Variants in PRKCB observed in about 807,000 individuals in gnomAD.
PRKCB encodes protein kinase C beta type.
A neutral mutation model predicts 81.5 loss-of-function variants in PRKCB; 13 were observed. The observed-to-expected ratio is 0.16, with a 90% CI of 0.10 to 0.25. PRKCB has a LOEUF of 0.25. PRKCB is among the 10% of genes least tolerant of loss of function. The probability of loss-of-function intolerance (pLI) is 1.00; values close to 1 mark genes in which losing one functional copy is unlikely to be tolerated. For synonymous variants in PRKCB, 335 were observed against 321.4 expected (o/e 1.04, Z -0.45); for missense variants, 509 against 875.7 (o/e 0.58, Z 5.29).
At chr16:24,181,031 G>T in intron 13 of PRKCB, 103 bp downstream of exon 13, 1 of 1,425,482 alleles carries the variant, frequency 7.0e-7, no homozygotes, top group Non-Finnish European at 9.5e-7. Context: ...CCTTGCAAGG[G>T]AACCTCGGAC....
At chr16:23,879,831 G>A (rs1963078249) in intron 2 of PRKCB, among the ~76,000 whole-genome samples, 1 of 152,168 alleles carries the variant, frequency 6.6e-6, no homozygotes, top group African/African-American at 2.4e-5. Flanking sequence ...CAGCATAGTA[G>A]TTCAGAGCAT....
intron 2 of PRKCB, among the ~76,000 whole-genome samples, chr16:23,844,541 C>G (rs1489138470): frequency 6.6e-6 from 1 of 152,192 alleles, no homozygotes; most frequent in African/African-American, 2.4e-5. Flanking sequence ...GAGTCTTGCT[C>G]TGTCGCCCAG....
chr16:24,055,867 C>T (rs36066663), intron 5 of PRKCB, among the ~76,000 whole-genome samples: 11 of 152,290 alleles, frequency 7.2e-5, no homozygotes, highest in Non-Finnish European at 1.6e-4. Context: ...ATATAAATTT[C>T]CTGCACTACA....
At chr16:23,859,194 A>G (rs1191757441) in intron 2 of PRKCB, among the ~76,000 whole-genome samples, 3 of 152,168 alleles carry the variant, frequency 2.0e-5, no homozygotes, top group Non-Finnish European at 4.4e-5. Flanking sequence ...TAAGTAGTTG[A>G]AGAGGGCAAC....
intron 4 of PRKCB, among the ~76,000 whole-genome samples, chr16:24,034,708 C>A (rs1415650617): frequency 1.3e-5 from 2 of 152,188 alleles, no homozygotes; most frequent in African/African-American, 4.8e-5. Context: ...CACAGCAGTG[C>A]CCCATCCTGC....
chr16:24,115,093 C>T (rs1966721382), intron 8 of PRKCB, among the ~76,000 whole-genome samples: 1 of 152,172 alleles, frequency 6.6e-6, no homozygotes, highest in Admixed American at 6.5e-5. Context: ...TGAAAGAAGA[C>T]CAGCCTGGGT....
At position 23,875,760 on chromosome 16, in the gene PRKCB, A is replaced by ATATCACACATATATGTG. The variant is rs1567298765; in HGVS notation, c.205+38355_205+38356insATCACACATATATGTGT. 2.0e-3 allele frequency among the ~76,000 whole-genome samples: 260 copies of ATATCACACATATATGTG among 128,622 alleles called. 7 individuals are homozygous for ATATCACACATATATGTG. The highest frequency in any genetic ancestry group is 4.5e-3 in the Middle Eastern group (1 of 224). 84.4% of individuals were successfully genotyped at this position (128,622 alleles called of 152,430 possible). A position where few individuals can be genotyped will look rare whatever the true frequency, so the allele number is the denominator to read the frequency against. ...ATGTATGTATATCACACATATATGT[A>ATATCACACATATATGTG]TGTATATCACACATATATGTGTGTA... On this transcript the variant is annotated intron_variant, in intron 2 of 16. Transcript: ENST00000643927.
intron 2 of PRKCB, among the ~76,000 whole-genome samples, chr16:23,840,636 G>A (rs961874871): frequency 2.6e-5 from 4 of 152,098 alleles, no homozygotes; most frequent in Non-Finnish European, 5.9e-5. Context: ...AGAGGATGTT[G>A]TCTCTGCCAC....
chr16:24,160,378 ATGTCCT>A (rs1011089891), intron 10 of PRKCB, among the ~76,000 whole-genome samples: 56 of 152,202 alleles, frequency 3.7e-4, no homozygotes, highest in African/African-American at 1.3e-3. Flanking sequence ...CTTTCTGGGG[ATGTCCT>A]TGAAAATGGT....
intron 7 of PRKCB, among the ~76,000 whole-genome samples, chr16:24,104,893 G>T (rs992456998): frequency 6.6e-6 from 1 of 152,184 alleles, no homozygotes; most frequent in Non-Finnish European, 1.5e-5. Flanking sequence ...CTACTCTGAA[G>T]AACACGGGGA....
At chr16:23,911,484 T>C (rs1963652468) in intron 2 of PRKCB, among the ~76,000 whole-genome samples, 1 of 152,140 alleles carries the variant, frequency 6.6e-6, no homozygotes, top group Non-Finnish European at 1.5e-5. Flanking sequence ...AGGAGTGGAA[T>C]TGCTGGGCCC....
chr16:24,030,951 C>T (rs1965543704), intron 3 of PRKCB, among the ~76,000 whole-genome samples: 1 of 151,028 alleles, frequency 6.6e-6, no homozygotes, highest in African/African-American at 2.4e-5. Flanking sequence ...GTAGTCCCAG[C>T]TACTCAAGAA....
chr16:24,209,965 AAT>A (rs901625515), intron 16 of PRKCB, among the ~76,000 whole-genome samples: 22 of 151,814 alleles, frequency 1.4e-4, no homozygotes, highest in Admixed American at 1.3e-3. Flanking sequence ...AAAAAAAAAA[AAT>A]TAGTCCTGCG....
At chr16:24,138,844 T>TC in intron 9 of PRKCB, among the ~76,000 whole-genome samples, 1 of 141,642 alleles carries the variant, frequency 7.1e-6, no homozygotes, top group African/African-American at 2.7e-5. Flanking sequence ...ACAGTATTTG[T>TC]CTTTTTTTTT....
intron 3 of PRKCB, among the ~76,000 whole-genome samples, chr16:24,006,322 T>A (rs1158047274): frequency 6.6e-6 from 1 of 152,240 alleles, no homozygotes; most frequent in Non-Finnish European, 1.5e-5. Flanking sequence ...ACAGAATTTT[T>A]GTGGTGCAGT....
chr16:24,042,433 T>A (rs1965711843), intron 5 of PRKCB, among the ~76,000 whole-genome samples: 1 of 152,178 alleles, frequency 6.6e-6, no homozygotes, highest in Admixed American at 6.5e-5. Context: ...ATTATTGGTT[T>A]GTAATTTTTT....
rs759454355 is a variant in PRKCB at position 23,988,521 on chromosome 16, G to A, written c.219G>A (p.Val73=). ...TCTCTTTTGCAGTTTGCTGCTTTGT[G>A]GTGCACAAGCGGTGCCATGAATTTG... The part of the protein sequence containing the change: ...QGFQCQVCCF[V]VHKRCHEFVT... Residue 73 remains valine (V), a synonymous_variant, in exon 3 of 17, where the codon GTG becomes GTA. Coordinates refer to ENST00000643927, the MANE Select transcript of PRKCB (RefSeq NM_002738.7). 4.3e-6 allele frequency: 7 copies of A among 1,613,816 alleles called. No homozygotes were observed. The highest frequency in any genetic ancestry group is 2.2e-5 in the East Asian group (1 of 44,892).
intron 2 of PRKCB, among the ~76,000 whole-genome samples, chr16:23,921,176 G>A (rs1226427206): frequency 1.3e-5 from 2 of 152,164 alleles, no homozygotes; most frequent in Non-Finnish European, 2.9e-5. Context: ...TTTGGGTGGG[G>A]CCACAGCCAA....
intron 9 of PRKCB, among the ~76,000 whole-genome samples, chr16:24,140,072 A>T (rs1966884470): frequency 6.6e-6 from 1 of 152,254 alleles, no homozygotes; most frequent in East Asian, 1.9e-4. Flanking sequence ...CTTTACTGCT[A>T]GAGGCAAGTG....
Sources: allele counts gnomAD v4.1 joint callset (sites outside exome capture counted in the v4.1 genomes callset), GRCh38; gene constraint gnomAD v4.1.1; transcripts MANE v1.5; gene names NCBI Gene and HGNC (gene_info 2026-07-23, HGNC 2026-07-21).